PARM1: variants seen among roughly 807,000 people sequenced by gnomAD.
PARM1 encodes the protein WSC4, cell wall integrity and stress response component 4 homolog.
A neutral mutation model predicts 24.6 loss-of-function variants in PARM1; 14 were observed. That is an observed-to-expected ratio of 0.57 (90% CI 0.38 to 0.89). PARM1 has a LOEUF of 0.89. Ranked by LOEUF, PARM1 falls within the 40% of genes least tolerant of loss-of-function variation. The pLI, the probability that PARM1 is intolerant of heterozygous loss-of-function variation, is 0.00. For missense variants in PARM1, 362 were observed against 380.4 expected, an observed-to-expected ratio of 0.95 and a Z score of 0.40; for synonymous variants, 179 against 156.6, an observed-to-expected ratio of 1.14 and a Z score of -1.07.
chr4:74,946,925 A>T (rs1263186240), intron 1 of PARM1, among the ~76,000 whole-genome samples: 1 of 152,236 alleles, frequency 6.6e-6, no homozygotes, highest in African/African-American at 2.4e-5. Flanking sequence ...TGATTTATTT[A>T]TCTAAGCCTG....
intron 2 of PARM1, among the ~76,000 whole-genome samples, chr4:75,026,957 A>C (rs1723192340): frequency 6.6e-6 from 1 of 152,160 alleles, no homozygotes; most frequent in South Asian, 2.1e-4. Context: ...CAAACCCTTC[A>C]AGCCCATAAA....
intron 1 of PARM1, among the ~76,000 whole-genome samples, chr4:74,941,521 C>G (rs1256688494): frequency 3.3e-5 from 5 of 152,156 alleles, no homozygotes; most frequent in African/African-American, 1.2e-4. Context: ...CAAACCAACG[C>G]TAGATGCTAC....
At chr4:74,946,231 G>A (rs113865915) in intron 1 of PARM1, among the ~76,000 whole-genome samples, 40 of 152,234 alleles carry the variant, frequency 2.6e-4, no homozygotes, top group African/African-American at 9.6e-4. Context: ...TTGAACCCAG[G>A]TTTCTAATTT....
intron 1 of PARM1, chr4:74,997,845 CAG>C (rs749865269): frequency 5.3e-5 from 8 of 152,102 alleles, no homozygotes; most frequent in Non-Finnish European, 8.8e-5. Flanking sequence ...TTAAAATGGG[CAG>C]AGTTATTTTT....
intron 2 of PARM1, among the ~76,000 whole-genome samples, chr4:75,016,934 G>C (rs1275949652): frequency 6.6e-6 from 1 of 152,048 alleles, no homozygotes; most frequent in Non-Finnish European, 1.5e-5. Flanking sequence ...CCACTGGGTG[G>C]CTCATAGGCA....
At chr4:74,962,957 A>C (rs1029472710) in intron 1 of PARM1, among the ~76,000 whole-genome samples, 2 of 150,008 alleles carry the variant, frequency 1.3e-5, no homozygotes, top group Non-Finnish European at 3.0e-5. Context: ...GAAGGTAATC[A>C]GATCATGGGG....
At chr4:74,977,475 T>C (rs1722161684) in intron 1 of PARM1, among the ~76,000 whole-genome samples, 1 of 151,964 alleles carries the variant, frequency 6.6e-6, no homozygotes, top group South Asian at 2.1e-4. Flanking sequence ...GTAAAAAGGC[T>C]GAACCTACAA....
intron 1 of PARM1, among the ~76,000 whole-genome samples, chr4:74,992,721 A>G (rs566320727): frequency 6.6e-6 from 1 of 152,294 alleles, no homozygotes; most frequent in Non-Finnish European, 1.5e-5. Flanking sequence ...AAGAAAACAA[A>G]CATTCAATTT....
chr4:74,989,030 C>T (rs1722411546), intron 1 of PARM1, among the ~76,000 whole-genome samples: 2 of 152,070 alleles, frequency 1.3e-5, no homozygotes, highest in Non-Finnish European at 2.9e-5. Flanking sequence ...TCTTTGAGGG[C>T]GTCCAAGGAT....
At chr4:75,019,380 A>G (rs1250271819) in intron 2 of PARM1, among the ~76,000 whole-genome samples, 1 of 152,230 alleles carries the variant, frequency 6.6e-6, no homozygotes, top group African/African-American at 2.4e-5. Context: ...CTTGTTGCAA[A>G]GTAGATACTC....
chr4:74,966,207 A>G (rs949784825), intron 1 of PARM1, among the ~76,000 whole-genome samples: 8 of 152,222 alleles, frequency 5.3e-5, no homozygotes, highest in Admixed American at 3.9e-4. Context: ...TTTGGCTCCT[A>G]TTAAACATAG....
chr4:75,012,910 C>T lies in PARM1; in HGVS notation c.529C>T (p.His177Tyr). 1 of 1,614,016 alleles carries T rather than the reference C, an allele frequency of 6.2e-7. No individual in the cohort carries two copies. The highest frequency in any genetic ancestry group is 8.5e-7 in the Non-Finnish European group (1 of 1,179,896). Residue 177 changes from histidine to tyrosine, a missense_variant, in exon 2 of 4, where the codon CAT becomes TAT. By Grantham distance (83) the His-to-Tyr change is moderately conservative. Transcript: ENST00000307428. ...EVFSASVTTN[H>Y]SSTVTSTQPT... ...CTTTTCTGCCTCCGTTACTACCAACCATAGCTCCACTGTGACCAGCACCCA... is the reference window on the plus strand; with the variant it reads ...CTTTTCTGCCTCCGTTACTACCAACTATAGCTCCACTGTGACCAGCACCCA...
intron 1 of PARM1, among the ~76,000 whole-genome samples, chr4:74,981,386 A>C (rs572615325): frequency 1.2e-4 from 18 of 152,344 alleles, no homozygotes; most frequent in Non-Finnish European, 2.1e-4. Context: ...AAAGCTCAAC[A>C]TCACTGATCA....
intron 1 of PARM1, among the ~76,000 whole-genome samples, chr4:74,978,043 A>C (rs1236920299): frequency 2.6e-5 from 4 of 152,226 alleles, no homozygotes; most frequent in Non-Finnish European, 4.4e-5. Context: ...TGACAATATG[A>C]AGCAACTACA....
At chr4:74,963,218 T>C (rs1268175141) in intron 1 of PARM1, among the ~76,000 whole-genome samples, 2 of 152,212 alleles carry the variant, frequency 1.3e-5, no homozygotes, top group African/African-American at 4.8e-5. Flanking sequence ...TTCATAGCAG[T>C]GTGAAAATGG....
chr4:74,933,476 C>A, intron 1 of PARM1, 106 bp downstream of exon 1: 2 of 963,896 alleles, frequency 2.1e-6, no homozygotes, highest in Non-Finnish European at 3.3e-6. Context: ...TCGCCGCGCG[C>A]CTCCGGGTGA....
At chr4:74,935,735 A>G (rs1182115619) in intron 1 of PARM1, among the ~76,000 whole-genome samples, 2 of 152,234 alleles carry the variant, frequency 1.3e-5, no homozygotes, top group Admixed American at 1.3e-4. Context: ...CAAAGTATAC[A>G]TAGTATTTCC....
chr4:75,045,742 G>A (rs1723589512), intron 3 of PARM1, among the ~76,000 whole-genome samples: 1 of 152,252 alleles, frequency 6.6e-6, no homozygotes, highest in South Asian at 2.1e-4. Context: ...AATGTCAGGA[G>A]AGGTGGTGAT....
chr4:75,029,253 A>G (rs1428852842), intron 2 of PARM1, among the ~76,000 whole-genome samples: 2 of 152,186 alleles, frequency 1.3e-5, no homozygotes, highest in Admixed American at 1.3e-4. Flanking sequence ...GCAGTGGAGT[A>G]GTGGCCGACA....
Sources: gnomAD v4.1 joint callset for allele counts (sites outside exome capture counted in the v4.1 genomes callset) on GRCh38, gnomAD v4.1.1 for gene constraint, MANE v1.5 for transcripts, NCBI Gene and HGNC (gene_info 2026-07-23, HGNC 2026-07-21) for gene names.